WDR3: variants seen among roughly 807,000 people sequenced by gnomAD.
WDR3 encodes WD repeat domain 3.
WDR3 carries 81 observed loss-of-function variants against 123.7 expected under a neutral mutation model. That is an observed-to-expected ratio of 0.65 (90% CI 0.55 to 0.79). The LOEUF (loss-of-function observed/expected upper bound fraction) is 0.79, where lower values mean the gene tolerates loss of function less well. WDR3 is among the 30% of genes least tolerant of loss of function. The pLI is 0.00. For missense variants in WDR3, 1,027 were observed against 1,123.2 expected (o/e 0.91, Z 1.22); for synonymous variants, 390 against 388.8 (o/e 1.00, Z -0.04).
chr1:117,957,708 G>T (rs1325757928), intron 25 of WDR3, among the ~76,000 whole-genome samples: 2 of 152,170 alleles, frequency 1.3e-5, no homozygotes, highest in Non-Finnish European at 2.9e-5. Flanking sequence ...CTTTGTTGTT[G>T]TTGTTCATCA....
rs1652891932 is a variant in WDR3, at chr1:117,960,298, T to C, written c.*851T>C. ...AGTCTTAAGTACTAGTAGCCTGTTA[T>C]TGACTGGGAGCCTGACTGATGTATT... On this transcript the variant is annotated 3_prime_UTR_variant, in exon 27 of 27. Coordinates refer to ENST00000349139, the MANE Select transcript of WDR3 (RefSeq NM_006784.3). 1 of 152,210 alleles carries C rather than the reference T, an allele frequency of 6.6e-6. No homozygotes were observed. Among genetic ancestry groups the C allele is most frequent in the African/African-American group, 2.4e-5 (1 of 41,448 alleles). 9.4% of individuals were successfully genotyped at this position (152,210 alleles called of 1,614,324 possible).
rs1231499117 is a variant in WDR3 at position 117,959,544 on chromosome 1, T to C, written c.*97T>C. 1 of 1,288,286 alleles carries C rather than the reference T, an allele frequency of 7.8e-7. No homozygotes were observed. The highest frequency in any genetic ancestry group is 1.0e-6 in the Non-Finnish European group (1 of 968,660). The allele number at this position is 1,288,286 out of a possible 1,614,324, so 79.8% of individuals were successfully genotyped here. On this transcript the variant is annotated 3_prime_UTR_variant, in exon 27 of 27. Coordinates refer to ENST00000349139, the MANE Select transcript of WDR3 (RefSeq NM_006784.3). ...TTGGCGTCATCTTAAAAATACCAAA[T>C]AACAGAAGATCGCATTGCAGATGAT...
At chr1:117,953,801 C>A in intron 21 of WDR3, 1 of 602,660 alleles carries the variant, frequency 1.7e-6, no homozygotes, top group Non-Finnish European at 2.9e-6. Context: ...CACCTGAGTC[C>A]ATGACACTCA....
chr1:117,958,664 G>T (rs569036898), intron 25 of WDR3, among the ~76,000 whole-genome samples: 1 of 152,140 alleles, frequency 6.6e-6, no homozygotes, highest in East Asian at 1.9e-4. Flanking sequence ...TGGGCTGGAA[G>T]AAGAGCCTTT....
chr1:117,942,458 G>C lies in WDR3; in HGVS notation c.1011G>C (p.Glu337Asp). Residue 337 changes from glutamate to aspartate, a missense_variant, in exon 10 of 27, where the codon GAG becomes GAC. Physicochemically the swap from Glu to Asp is conservative, Grantham distance 45. Coordinates refer to ENST00000349139, the MANE Select transcript of WDR3 (RefSeq NM_006784.3). ...CTAGATTACATTCTAGCAAAGGAGA[G>C]GAGGAAGATCCTGAGGTTAATGTTG... is the stretch of plus-strand genomic sequence containing the variant. ...KKAKLHSSKGEEEDPEVNVEM... is the reference protein window; with the variant it reads ...KKAKLHSSKGDEEDPEVNVEM... 1 of 1,613,908 alleles carries C rather than the reference G, an allele frequency of 6.2e-7. No homozygotes were observed. The highest frequency in any genetic ancestry group is 8.5e-7 in the Non-Finnish European group (1 of 1,179,864).
At chr1:117,958,424 C>T (rs747528059) in intron 25 of WDR3, among the ~76,000 whole-genome samples, 1 of 152,090 alleles carries the variant, frequency 6.6e-6, no homozygotes, top group Non-Finnish European at 1.5e-5. Context: ...ATACTTATAG[C>T]GTATCAGAGG....
At position 117,955,368 on chromosome 1, in the gene WDR3, T is replaced by C. The variant is rs1382626365; in HGVS notation, c.2453+10T>C. On this transcript the variant is annotated intron_variant, in intron 24 of 26. Transcript: ENST00000349139. Reference sequence around the variant, plus strand: ...AAGGGATCAAGTCGAGGTGAGTGAGTCCTTGCGCACAATTTTTGTAATCTG... The same window carrying C: ...AAGGGATCAAGTCGAGGTGAGTGAGCCCTTGCGCACAATTTTTGTAATCTG... The C allele has an allele frequency of 6.2e-7, 1 of 1,611,340 alleles. No individual in the cohort carries two copies. The highest frequency in any genetic ancestry group is 1.3e-5 in the African/African-American group (1 of 74,910).
Position 117,942,477 on chromosome 1 carries a change from A to T in WDR3, c.1030A>T (p.Asn344Tyr). Residue 344 changes from asparagine (N) to tyrosine (Y), a missense_variant, in exon 10 of 27, where the codon AAT (asparagine) becomes TAT (tyrosine). Coordinates refer to ENST00000349139, the MANE Select transcript of WDR3 (RefSeq NM_006784.3). ...AGGAGAGGAGGAAGATCCTGAGGTT[A>T]ATGTTGAAATGAGTCTGCAAGATGA... is the stretch of plus-strand genomic sequence containing the variant. ...SKGEEEDPEV[N>Y]VEMSLQDEIQ... is the part of the protein sequence containing the mutation. 6.2e-7 allele frequency: 1 copy of T among 1,614,040 alleles called. No individual in the cohort carries two copies. The highest frequency in any genetic ancestry group is 8.5e-7 in the Non-Finnish European group (1 of 1,179,940).
chr1:117,934,380 G>A, intron 2 of WDR3, 93 bp from the exon 3 acceptor site: 1 of 1,181,494 alleles, frequency 8.5e-7, no homozygotes, highest in Non-Finnish European at 1.2e-6. Flanking sequence ...AATTATTGGT[G>A]CTCTTAATTT....
chr1:117,952,232 G>T lies in WDR3; in HGVS notation c.1905-65G>T. On this transcript the variant is annotated intron_variant, in intron 17 of 26. Coordinates refer to ENST00000349139, the MANE Select transcript of WDR3 (RefSeq NM_006784.3). ...AACTAGCTAGTCAAAAGCTATTTAT[G>T]TGTGTAAAACTCTTTTTACTAACCT... 2.7e-6 allele frequency: 4 copies of T among 1,488,146 alleles called. No homozygotes were observed. The South Asian group carries it at 3.6e-5, about 13-fold the overall frequency. The allele number at this position is 1,488,146 out of a possible 1,614,324, so 92.2% of individuals were successfully genotyped here.
Position 117,964,235 on chromosome 1 carries a change from G to GC in WDR3, c.*4789dup, listed in dbSNP as rs1653507301. On this transcript the variant is annotated 3_prime_UTR_variant, in exon 27 of 27. Transcript: ENST00000349139. ...AAACCATATCTACATCAGATTTCAT[G>GC]CTTTTTTTTTTTTTTTTTGGTGGGG... 1.2e-5 allele frequency: 2 copies of GC among 173,758 alleles called. No homozygotes were observed. Among genetic ancestry groups the GC allele is most frequent in the African/African-American group, 5.1e-5 (2 of 39,192 alleles). 10.8% of individuals were successfully genotyped at this position (173,758 alleles called of 1,614,324 possible).
rs1393837652 is a variant in WDR3 at position 117,965,257 on chromosome 1, C to A, written c.*5810C>A. ...TTGTGTCCGTCTTTTCCTTGAAATT[C>A]TTCCTAAGGCTTTTGAAGTATTTCA... On this transcript the variant is annotated 3_prime_UTR_variant, in exon 27 of 27. Transcript: ENST00000349139. The A allele has an allele frequency of 6.6e-6, 1 of 152,130 alleles. No individual in the cohort carries two copies. The highest frequency in any genetic ancestry group is 2.4e-5 in the African/African-American group (1 of 41,448). The allele number at this position is 152,130 out of a possible 1,614,324, so 9.4% of individuals were successfully genotyped here.
chr1:117,941,306 A>T (rs1651163657), intron 8 of WDR3, 81 bp downstream of exon 8: 1 of 1,423,218 alleles, frequency 7.0e-7, no homozygotes, highest in African/African-American at 1.4e-5. Flanking sequence ...CAATGTAAAG[A>T]TGACTTTTTC....
At chr1:117,931,987 C>CA (rs1233202303) in intron 1 of WDR3, among the ~76,000 whole-genome samples, 3 of 151,930 alleles carry the variant, frequency 2.0e-5, no homozygotes, top group Non-Finnish European at 2.9e-5. Context: ...ACCAAAGAAA[C>CA]AAAAAACAAT....
At chr1:117,948,379 G>C (rs1023884480) in intron 12 of WDR3, 26 bp from the exon 13 acceptor site, 3 of 1,599,424 alleles carry the variant, frequency 1.9e-6, no homozygotes, top group Admixed American at 1.7e-5. Flanking sequence ...GTTCATTGGA[G>C]CTGTGCTCAT....
At chr1:117,934,393 C>T (rs1650843541) in intron 2 of WDR3, 80 bp from the exon 3 acceptor site, 2 of 1,345,484 alleles carry the variant, frequency 1.5e-6, no homozygotes, top group Admixed American at 4.3e-5. Context: ...CTTAATTTTA[C>T]TGTGCCTGAG....
intron 24 of WDR3, 79 bp downstream of exon 24, chr1:117,955,437 A>G (rs1428050255): frequency 6.9e-6 from 9 of 1,310,430 alleles, no homozygotes; most frequent in Non-Finnish European, 9.7e-6. Context: ...GGAAATAAAT[A>G]GAAATTATAA....
At chr1:117,936,236 A>T (rs946924307) in intron 3 of WDR3, among the ~76,000 whole-genome samples, 1 of 152,110 alleles carries the variant, frequency 6.6e-6, no homozygotes, top group Non-Finnish European at 1.5e-5. Flanking sequence ...AACTTTAAAA[A>T]TAAACATATC....
Position 117,952,047 on chromosome 1 carries a change from C to T in WDR3, c.1875C>T (p.Cys625=), listed in dbSNP as rs1293473014. Residue 625 remains cysteine, a synonymous_variant, in exon 17 of 27, where the codon TGC becomes TGT. Transcript: ENST00000349139. ...TCTGGGGTTTGGACTTTGGGGACTG[C>T]CACAAGTCTCTCTTTGCACATGATG... ...VKIWGLDFGD[C]HKSLFAHDDS... is the part of the protein sequence containing the mutation. 1.2e-6 allele frequency: 2 copies of T among 1,613,376 alleles called. No homozygotes were observed. Among genetic ancestry groups the T allele is most frequent in the Middle Eastern group, 1.7e-4 (1 of 6,058 alleles).
Sources: gnomAD v4.1 joint callset for allele counts (sites outside exome capture counted in the v4.1 genomes callset) on GRCh38, gnomAD v4.1.1 for gene constraint, MANE v1.5 for transcripts, NCBI Gene and HGNC (gene_info 2026-07-23, HGNC 2026-07-21) for gene names.